Variants in IDE observed in about 807,000 individuals in gnomAD.
The protein encoded by IDE is insulin-degrading enzyme.
In IDE, 58 loss-of-function variants were observed where a neutral mutation model predicts 133.2. The ratio of observed to expected loss-of-function variants is 0.44; its 90% CI spans 0.35 to 0.54. The LOEUF (loss-of-function observed/expected upper bound fraction) is 0.54, where lower values mean the gene tolerates loss of function less well. Among genes scored for constraint, IDE ranks in the 20% least tolerant of loss-of-function variants. IDE has a pLI of 0.00. For synonymous variants in IDE, 396 were observed against 421.3 expected (o/e 0.94, Z 0.73); for missense variants, 981 against 1,234.0 (o/e 0.79, Z 3.07).
At chr10:92,554,938 A>C (rs1335355022) in intron 1 of IDE, 1 of 152,202 alleles carries the variant, frequency 6.6e-6, no homozygotes, top group Non-Finnish European at 1.5e-5. Flanking sequence ...AGGGGGGAAA[A>C]ATAGAGCAGA....
chr10:92,475,813 C>T (rs1469277250), intron 16 of IDE, 71 bp downstream of exon 16: 4 of 626,726 alleles, frequency 6.4e-6, no homozygotes, highest in Non-Finnish European at 1.1e-5. Context: ...ATTATAAAAA[C>T]TATTATGAAA....
intron 15 of IDE, among the ~76,000 whole-genome samples, chr10:92,476,870 G>A (rs996648509): frequency 3.3e-5 from 5 of 152,172 alleles, no homozygotes; most frequent in East Asian, 1.9e-4. Flanking sequence ...ATAGTGGCAC[G>A]TACAAGTCGT....
At chr10:92,460,207 C>T (rs1845296480) in intron 22 of IDE, among the ~76,000 whole-genome samples, 1 of 152,092 alleles carries the variant, frequency 6.6e-6, no homozygotes, top group Non-Finnish European at 1.5e-5. Flanking sequence ...GATAGACTTC[C>T]TAAGTGAGCG....
At chr10:92,484,859 G>A (rs1156306379) in intron 13 of IDE, among the ~76,000 whole-genome samples, 1 of 151,986 alleles carries the variant, frequency 6.6e-6, no homozygotes, top group Non-Finnish European at 1.5e-5. Context: ...GTTTGAGATC[G>A]GCCTGGGCAA....
chr10:92,467,427 C>A (rs1230130754), intron 19 of IDE, among the ~76,000 whole-genome samples: 1 of 152,124 alleles, frequency 6.6e-6, no homozygotes, highest in East Asian at 1.9e-4. Context: ...AAGTGAAGAA[C>A]TATTTAAAGA....
At chr10:92,535,710 G>T (rs1190148592) in intron 2 of IDE, among the ~76,000 whole-genome samples, 1 of 152,124 alleles carries the variant, frequency 6.6e-6, no homozygotes, top group African/African-American at 2.4e-5. Context: ...AGGACAAAAA[G>T]AAACACTGTC....
chr10:92,555,367 C>G (rs1297463117), intron 1 of IDE, among the ~76,000 whole-genome samples: 1 of 152,000 alleles, frequency 6.6e-6, no homozygotes, highest in Non-Finnish European at 1.5e-5. Context: ...CATGGTGGCA[C>G]ATACCTGTAA....
At chr10:92,486,379 G>C (rs1359891030) in intron 13 of IDE, among the ~76,000 whole-genome samples, 1 of 151,900 alleles carries the variant, frequency 6.6e-6, no homozygotes, top group Non-Finnish European at 1.5e-5. Flanking sequence ...AAAGAAAAAT[G>C]GTTGTCTCAT....
chr10:92,540,466 A>G (rs1842242542), intron 1 of IDE, among the ~76,000 whole-genome samples: 1 of 152,230 alleles, frequency 6.6e-6, no homozygotes, highest in South Asian at 2.1e-4. Flanking sequence ...CAAGAAGGGC[A>G]GTGTTAAAAC....
At chr10:92,481,302 C>T (rs1163752551) in intron 14 of IDE, among the ~76,000 whole-genome samples, 1 of 152,084 alleles carries the variant, frequency 6.6e-6, no homozygotes, top group Admixed American at 6.5e-5. Flanking sequence ...TCCAGCCTGG[C>T]AAGGTGGCAT....
intron 1 of IDE, among the ~76,000 whole-genome samples, chr10:92,563,986 G>C (rs1843403440): frequency 1.3e-5 from 2 of 152,088 alleles, no homozygotes; most frequent in South Asian, 2.1e-4. Flanking sequence ...TAGATGGAGG[G>C]AGTGGAAGCC....
chr10:92,471,775 T>C (rs1227648496), intron 17 of IDE, among the ~76,000 whole-genome samples: 1 of 152,188 alleles, frequency 6.6e-6, no homozygotes, highest in Admixed American at 6.5e-5. Flanking sequence ...AGTGCAGTGG[T>C]GCAACCTCCG....
intron 11 of IDE, chr10:92,497,815 G>T: frequency 2.5e-6 from 1 of 393,138 alleles, no homozygotes; most frequent in Non-Finnish European, 3.5e-6. Context: ...CTCTTTAAAT[G>T]TGAGAGTAAA....
intron 1 of IDE, among the ~76,000 whole-genome samples, chr10:92,551,477 A>C (rs578000255): frequency 1.3e-5 from 2 of 150,846 alleles, no homozygotes; most frequent in Admixed American, 1.3e-4. Context: ...CTGAGGCAGG[A>C]GAATTGCTTG....
At chr10:92,522,597 G>A (rs1383772464) in intron 4 of IDE, among the ~76,000 whole-genome samples, 1 of 152,142 alleles carries the variant, frequency 6.6e-6, no homozygotes, top group Non-Finnish European at 1.5e-5. Context: ...CAGGAGAAGT[G>A]AAACTGCATC....
intron 9 of IDE, 121 bp from the exon 10 acceptor site, chr10:92,506,643 TTC>T: frequency 4.2e-6 from 2 of 480,204 alleles, no homozygotes; most frequent in Non-Finnish European, 7.4e-6. Flanking sequence ...TTATCACACT[TTC>T]TGAAAAAATG....
chr10:92,510,953 C>G lies in IDE; in HGVS notation c.785-791G>C, dbSNP rs551286004. On this transcript the variant is annotated intron_variant, in intron 5 of 24. Coordinates refer to ENST00000265986, the MANE Select transcript of IDE (RefSeq NM_004969.4). ...AAGTATAACAAGAAATGAGTTAGAT[C>G]TTTGAGAAGAGGGCACAGCAGTCAT... 2.1e-4 allele frequency among the ~76,000 whole-genome samples: 31 copies of G among 151,028 alleles called. No homozygotes were observed. In the South Asian group the frequency reaches 4.0e-3, roughly 19 times the overall value.
intron 22 of IDE, among the ~76,000 whole-genome samples, chr10:92,457,080 C>T (rs894571056): frequency 6.6e-6 from 1 of 151,818 alleles, no homozygotes. Context: ...CAAACTCCTA[C>T]AGCTAATAAG....
At chr10:92,513,172 A>G (rs537965659) in intron 5 of IDE, among the ~76,000 whole-genome samples, 1 of 152,230 alleles carries the variant, frequency 6.6e-6, no homozygotes, top group South Asian at 2.1e-4. Context: ...TATATGGTAT[A>G]TTAGAGTTTT....
Sources: gnomAD v4.1 joint callset for allele counts (sites outside exome capture counted in the v4.1 genomes callset) on GRCh38, gnomAD v4.1.1 for gene constraint, MANE v1.5 for transcripts, NCBI Gene and HGNC (gene_info 2026-07-23, HGNC 2026-07-21) for gene names.